Variants in CHL1 observed in about 807,000 individuals in gnomAD.
The protein encoded by CHL1 is neural cell adhesion molecule L1-like protein.
In CHL1, 96 loss-of-function variants were observed where a neutral mutation model predicts 141.9. That is an observed-to-expected ratio of 0.68 (90% CI 0.57 to 0.80). The LOEUF (loss-of-function observed/expected upper bound fraction) is 0.80. Among genes scored for constraint, CHL1 ranks in the 30% least tolerant of loss-of-function variants. The pLI, the probability that CHL1 is intolerant of heterozygous loss-of-function variation, is 0.00. For missense variants in CHL1, 1,820 were observed against 1,457.2 expected (o/e 1.25, Z -4.05); for synonymous variants, 613 against 502.2 (o/e 1.22, Z -2.95).
At chr3:310,422 G>C (rs565656695) in intron 2 of CHL1, among the ~76,000 whole-genome samples, 1 of 152,198 alleles carries the variant, frequency 6.6e-6, no homozygotes, top group African/African-American at 2.4e-5. Context: ...AGGTGTCCAA[G>C]GTGGGAGTGA....
chr3:392,131 A>G (rs1708275588), intron 23 of CHL1, among the ~76,000 whole-genome samples: 1 of 152,212 alleles, frequency 6.6e-6, no homozygotes. Context: ...CTTTAATGAA[A>G]GGTTTGCTTA....
At chr3:289,753 C>T (rs535693202) in intron 2 of CHL1, among the ~76,000 whole-genome samples, 12 of 151,250 alleles carry the variant, frequency 7.9e-5, no homozygotes, top group African/African-American at 2.2e-4. Context: ...ATTTTATGCT[C>T]ATTAATACAT....
chr3:343,748 A>G (rs1702537067), intron 8 of CHL1, among the ~76,000 whole-genome samples: 2 of 152,316 alleles, frequency 1.3e-5, no homozygotes, highest in African/African-American at 4.8e-5. Context: ...CTCCTTTTGA[A>G]GAACCGTCAG....
rs1356149090 is a variant in CHL1, at chr3:390,615, AG to A, written c.2471-85del. On this transcript the variant is annotated intron_variant, in intron 20 of 27. Coordinates refer to ENST00000256509, the MANE Select transcript of CHL1 (RefSeq NM_006614.4). ...ATTTCACAAAAGTGCTTTCTCCAGA[AG>A]AAACATTATGAAAATTTTTGAAAAG... The A allele has an allele frequency of 1.2e-5, 9 of 767,066 alleles. No homozygotes were observed. The East Asian group carries it at 2.3e-4, about 19-fold the overall frequency. 47.5% of individuals were successfully genotyped at this position (767,066 alleles called of 1,614,324 possible).
At chr3:274,841 T>C (rs162732) in intron 2 of CHL1, among the ~76,000 whole-genome samples, 19,038 of 152,266 alleles carry the variant, frequency 0.13, 1,618 homozygotes, top group East Asian at 0.42. Flanking sequence ...GTGCAAGAAA[T>C]ATTATTGATG....
At chr3:359,312 C>A (rs1703996719) in intron 11 of CHL1, among the ~76,000 whole-genome samples, 1 of 151,524 alleles carries the variant, frequency 6.6e-6, no homozygotes, top group African/African-American at 2.4e-5. Context: ...TTTTCTTTTT[C>A]TTCACTTTTA....
chr3:200,708 A>G (rs1698845783), intron 1 of CHL1, among the ~76,000 whole-genome samples: 1 of 152,224 alleles, frequency 6.6e-6, no homozygotes, highest in Non-Finnish European at 1.5e-5. Context: ...ATCTACAAGT[A>G]GAATTGGCAT....
chr3:341,935 GA>G lies in CHL1; in HGVS notation c.535del (p.Arg179GlufsTer4). 1 of 1,609,924 alleles carries G rather than the reference GA, an allele frequency of 6.2e-7. No homozygotes were observed. The highest frequency in any genetic ancestry group is 8.5e-7 in the Non-Finnish European group (1 of 1,176,916). On this transcript the variant is annotated frameshift_variant, in exon 7 of 28. Coordinates refer to ENST00000256509, the MANE Select transcript of CHL1 (RefSeq NM_006614.4). LOFTEE classifies it high-confidence loss of function. ...NIELEHIEQD[E>X]RVYMSQKGDL... Reference sequence around the variant, plus strand: ...AGAATTAGAACACATCGAACAAGATGAAAGAGTATACATGAGCCAAAAGGGA... The same window carrying G: ...AGAATTAGAACACATCGAACAAGATGAAGAGTATACATGAGCCAAAAGGGA...
chr3:285,730 T>G (rs1015751647), intron 2 of CHL1, among the ~76,000 whole-genome samples: 1 of 152,190 alleles, frequency 6.6e-6, no homozygotes, highest in African/African-American at 2.4e-5. Context: ...TAGCTAATGC[T>G]CAATAAATCA....
intron 2 of CHL1, among the ~76,000 whole-genome samples, chr3:276,329 T>C (rs1258806971): frequency 6.6e-6 from 1 of 152,198 alleles, no homozygotes; most frequent in Non-Finnish European, 1.5e-5. Context: ...GTTGGGATTG[T>C]CACAACATTA....
intron 1 of CHL1, among the ~76,000 whole-genome samples, chr3:205,868 A>G (rs1052536318): frequency 1.1e-4 from 16 of 152,214 alleles, no homozygotes; most frequent in Admixed American, 4.6e-4. Context: ...TATAACACCC[A>G]ATGTAAGCTG....
At chr3:313,865 A>C (rs1174838104) in intron 2 of CHL1, among the ~76,000 whole-genome samples, 1 of 152,186 alleles carries the variant, frequency 6.6e-6, no homozygotes, top group Non-Finnish European at 1.5e-5. Flanking sequence ...CCAAGACTTA[A>C]ATGATGGTGT....
At chr3:349,237 G>C in intron 9 of CHL1, 122 bp from the exon 10 acceptor site, 1 of 763,808 alleles carries the variant, frequency 1.3e-6, no homozygotes, top group Non-Finnish European at 2.1e-6. Flanking sequence ...AGGATGACGT[G>C]ATTCAGTGGA....
chr3:253,353 T>C (rs747187414), intron 2 of CHL1, among the ~76,000 whole-genome samples: 1 of 152,104 alleles, frequency 6.6e-6, no homozygotes, highest in Admixed American at 6.6e-5. Context: ...AGTTATTGAA[T>C]TGATGCTGAA....
chr3:330,757 C>G (rs1417717092), intron 5 of CHL1, among the ~76,000 whole-genome samples: 2 of 152,048 alleles, frequency 1.3e-5, no homozygotes, highest in African/African-American at 4.8e-5. Flanking sequence ...GAACAAAGGG[C>G]AAACTTCAGT....
intron 2 of CHL1, among the ~76,000 whole-genome samples, chr3:273,376 T>A (rs569203622): frequency 6.6e-6 from 1 of 152,178 alleles, no homozygotes; most frequent in African/African-American, 2.4e-5. Context: ...TCAATATGTT[T>A]TAGTTTAGCT....
intron 15 of CHL1, among the ~76,000 whole-genome samples, chr3:367,193 G>A (rs185059056): frequency 9.8e-5 from 15 of 152,302 alleles, no homozygotes; most frequent in Admixed American, 4.6e-4. Flanking sequence ...AGTCAGCTTC[G>A]CGTCCTTTTG....
At chr3:344,460 G>A (rs545780171) in intron 8 of CHL1, 129 bp from the exon 9 acceptor site, 2 of 470,496 alleles carry the variant, frequency 4.3e-6, no homozygotes, top group Non-Finnish European at 7.1e-6. Context: ...TGTGAAATGT[G>A]TATAGAACAC....
At chr3:316,756 C>G (rs1016799271) in intron 2 of CHL1, among the ~76,000 whole-genome samples, 8 of 151,256 alleles carry the variant, frequency 5.3e-5, no homozygotes, top group African/African-American at 1.5e-4. Context: ...TCTCATGTAC[C>G]CTATAAATAC....
Sources: allele counts gnomAD v4.1 joint callset (sites outside exome capture counted in the v4.1 genomes callset), GRCh38; gene constraint gnomAD v4.1.1; transcripts MANE v1.5; gene names NCBI Gene and HGNC (gene_info 2026-07-23, HGNC 2026-07-21).